Variants in PPEF2 observed in about 807,000 individuals in gnomAD.
PPEF2 encodes the protein serine/threonine-protein phosphatase with EF-hands 2.
PPEF2 carries 84 observed loss-of-function variants against 84.7 expected under a neutral mutation model. The ratio of observed to expected loss-of-function variants is 0.99; its 90% confidence interval spans 0.83 to 1.19. The LOEUF (loss-of-function observed/expected upper bound fraction) is 1.19, where lower values mean the gene tolerates loss of function less well. PPEF2 is among the 50% of genes most tolerant of loss of function. The pLI is 0.00. For synonymous variants in PPEF2, 346 were observed against 345.2 expected, an observed-to-expected ratio of 1.00 and a Z score of -0.03; for missense variants, 924 against 937.5, an observed-to-expected ratio of 0.99 and a Z score of 0.19.
chr4:75,895,320 T>G (rs1009041104), intron 2 of PPEF2, among the ~76,000 whole-genome samples: 2 of 151,834 alleles, frequency 1.3e-5, no homozygotes, highest in Non-Finnish European at 2.9e-5. Context: ...TCCCAGCTAC[T>G]TGGGAGGCTG....
At position 75,876,480 on chromosome 4, in the gene PPEF2, G is replaced by A. The variant is rs773418815; in HGVS notation, c.1127C>T (p.Pro376Leu). 6.2e-7 allele frequency: 1 copy of A among 1,613,948 alleles called. No homozygotes were observed. The highest frequency in any genetic ancestry group is 2.2e-5 in the East Asian group (1 of 44,860). ...AQKTSRSSSI[P>L]CSGSLDGREL... ...CCGCCCGTCCAGGGAACCGCTGCAG[G>A]GGATGCTGGAGGACCTGCTGGTTTT... The change falls in exon 11 of 17, where the codon CCC becomes CTC. Residue 376 changes from proline to leucine, a missense_variant. Physicochemically the swap from Pro to Leu is moderately conservative, Grantham distance 98. Transcript: ENST00000286719.
chr4:75,860,510 A>C lies in PPEF2; in HGVS notation c.*157T>G. 1 of 964,378 alleles carries C rather than the reference A, an allele frequency of 1.0e-6. No homozygotes were observed. Among genetic ancestry groups the C allele is most frequent in the Non-Finnish European group, 1.5e-6 (1 of 662,780 alleles). 59.7% of individuals were successfully genotyped at this position (964,378 alleles called of 1,614,324 possible). A position where few individuals can be genotyped will look rare whatever the true frequency, so the allele number is the denominator to read the frequency against. ...AAAACACATACATACACAACACCCC[A>C]ACCCACCCCTCCACACTGAAATACA... is the stretch of plus-strand genomic sequence containing the variant. On this transcript the variant is annotated 3_prime_UTR_variant, in exon 17 of 17. Transcript: ENST00000286719.
intron 2 of PPEF2, among the ~76,000 whole-genome samples, 189 bp from the exon 3 acceptor site, chr4:75,892,167 T>C (rs536205789): frequency 5.9e-5 from 9 of 152,326 alleles, no homozygotes; most frequent in African/African-American, 2.2e-4. Flanking sequence ...TTTCCCCATT[T>C]CCTGCCCCTC....
chr4:75,886,980 C>G lies in PPEF2; in HGVS notation c.533-82G>C, dbSNP rs111265637. 5.8e-3 allele frequency: 4,297 copies of G among 739,320 alleles called. 114 individuals carry two copies. In the African/African-American group the frequency reaches 0.062, roughly 11 times the overall value. The allele number at this position is 739,320 out of a possible 1,614,324, so 45.8% of individuals were successfully genotyped here. A position where few individuals can be genotyped will look rare whatever the true frequency, so the allele number is the denominator to read the frequency against. On this transcript the variant is annotated intron_variant, in intron 6 of 16. Coordinates refer to ENST00000286719, the MANE Select transcript of PPEF2 (RefSeq NM_006239.3). ...TTTTTATTATAAGAAAGAAAATACC[C>G]AGAAGAATCTGACAGAAAAAACCCT...
At chr4:75,862,948 G>T (rs981888057) in intron 16 of PPEF2, among the ~76,000 whole-genome samples, 2 of 152,172 alleles carry the variant, frequency 1.3e-5, no homozygotes, top group African/African-American at 2.4e-5. Flanking sequence ...TCCACACAGT[G>T]GAATATTATT....
At chr4:75,892,094 G>T in intron 2 of PPEF2, 116 bp from the exon 3 acceptor site, 1 of 1,348,478 alleles carries the variant, frequency 7.4e-7, no homozygotes, top group Non-Finnish European at 1.0e-6. Flanking sequence ...GGACAAGATG[G>T]AGCAGAAGCA....
intron 8 of PPEF2, among the ~76,000 whole-genome samples, chr4:75,884,048 G>A (rs1246907343): frequency 5.3e-5 from 8 of 151,716 alleles, no homozygotes; most frequent in African/African-American, 9.7e-5. Flanking sequence ...CAGGAGAATC[G>A]CTTGAAACTG....
At chr4:75,878,416 A>G (rs2149219755) in intron 10 of PPEF2, among the ~76,000 whole-genome samples, 1 of 152,356 alleles carries the variant, frequency 6.6e-6, no homozygotes, top group South Asian at 2.1e-4. Context: ...GCTTGTTCAC[A>G]AAAGGAACTC....
chr4:75,872,635 T>TATC (rs939785397), intron 12 of PPEF2, among the ~76,000 whole-genome samples: 87 of 152,326 alleles, frequency 5.7e-4, no homozygotes, highest in African/African-American at 2.0e-3. Context: ...CTAGATACTG[T>TATC]ATCTCTTCCT....
chr4:75,896,945 C>A (rs1369465223), intron 1 of PPEF2, among the ~76,000 whole-genome samples: 3 of 152,012 alleles, frequency 2.0e-5, no homozygotes, highest in Non-Finnish European at 4.4e-5. Context: ...AGTGCAGTGG[C>A]ACAATCTTGG....
At chr4:75,888,025 C>T (rs1005781330) in intron 6 of PPEF2, among the ~76,000 whole-genome samples, 189 bp downstream of exon 6, 12 of 152,146 alleles carry the variant, frequency 7.9e-5, no homozygotes, top group Admixed American at 7.2e-4. Flanking sequence ...GGTCCATGAT[C>T]CCCTTCGCTG....
chr4:75,872,584 G>C (rs2149216956), intron 12 of PPEF2, among the ~76,000 whole-genome samples: 1 of 152,276 alleles, frequency 6.6e-6, no homozygotes, highest in Admixed American at 6.5e-5. Flanking sequence ...TCCTCAGATG[G>C]TGTATGAAAA....
chr4:75,871,438 C>G (rs532772457), intron 13 of PPEF2, among the ~76,000 whole-genome samples: 1 of 151,968 alleles, frequency 6.6e-6, no homozygotes, highest in Non-Finnish European at 1.5e-5. Flanking sequence ...TTACCCAAGA[C>G]GCAGCCATGG....
Position 75,872,173 on chromosome 4 carries a change from T to A in PPEF2, c.1507-6A>T. On this transcript the variant is annotated splice_polypyrimidine_tract_variant and splice_region_variant and intron_variant, in intron 12 of 16. Coordinates refer to ENST00000286719, the MANE Select transcript of PPEF2 (RefSeq NM_006239.3). ...GCAGAAAAGATTGTTAATACCTACA[T>A]CAAAACAGAAGAGAGACAGGTGTTC... 6.2e-7 allele frequency: 1 copy of A among 1,612,170 alleles called. No homozygotes were observed. The highest frequency in any genetic ancestry group is 8.5e-7 in the Non-Finnish European group (1 of 1,179,292).
intron 10 of PPEF2, among the ~76,000 whole-genome samples, chr4:75,879,661 T>G (rs1468840237): frequency 5.9e-5 from 9 of 152,164 alleles, no homozygotes; most frequent in African/African-American, 2.2e-4. Flanking sequence ...TTTTCTATCT[T>G]TGTTAGGAGA....
At chr4:75,901,126 T>C (rs1725112406) in intron 1 of PPEF2, among the ~76,000 whole-genome samples, 2 of 152,150 alleles carry the variant, frequency 1.3e-5, no homozygotes, top group South Asian at 2.1e-4. Context: ...ATAAGAAAAA[T>C]TAGAAAGTGG....
intron 13 of PPEF2, among the ~76,000 whole-genome samples, chr4:75,868,175 G>A (rs1236849483): frequency 6.7e-6 from 1 of 149,758 alleles, no homozygotes; most frequent in African/African-American, 2.5e-5. Context: ...AATTAGCCAG[G>A]CGTGGTGGCG....
At chr4:75,899,921 T>A (rs1426597692) in intron 1 of PPEF2, among the ~76,000 whole-genome samples, 1 of 152,212 alleles carries the variant, frequency 6.6e-6, no homozygotes, top group African/African-American at 2.4e-5. Flanking sequence ...TAAGAGTGTT[T>A]GATGTGGGTG....
chr4:75,860,552 A>C lies in PPEF2; in HGVS notation c.*115T>G. ...TGAAATACACAGGTGATTCTGATGC[A>C]TATGGATAGGTAAATTTTCAGCATA... On this transcript the variant is annotated 3_prime_UTR_variant, in exon 17 of 17. Coordinates refer to ENST00000286719, the MANE Select transcript of PPEF2 (RefSeq NM_006239.3). The C allele has an allele frequency of 7.5e-7, 1 of 1,324,660 alleles. No individual in the cohort carries two copies. The allele number at this position is 1,324,660 out of a possible 1,614,324, so 82.1% of individuals were successfully genotyped here. A position where few individuals can be genotyped will look rare whatever the true frequency, so the allele number is the denominator to read the frequency against.
Sources: gnomAD v4.1 joint callset for allele counts (sites outside exome capture counted in the v4.1 genomes callset) on GRCh38, gnomAD v4.1.1 for gene constraint, MANE v1.5 for transcripts, NCBI Gene and HGNC (gene_info 2026-07-23, HGNC 2026-07-21) for gene names.